The following NEXMIF variants were observed in gnomAD, a reference collection of about 807,000 sequenced individuals.
The protein encoded by NEXMIF is neurite extension and migration factor, also known as XLMR protein related to neurite extension.
NEXMIF carries 8 observed loss-of-function variants against 62.1 expected under a neutral mutation model. The ratio of observed to expected loss-of-function variants is 0.13; its 90% CI spans 0.08 to 0.23. The LOEUF is 0.23. Among genes scored for constraint, NEXMIF ranks in the 10% least tolerant of loss-of-function variants. NEXMIF has a pLI of 1.00. For missense variants in NEXMIF, 976 were observed against 1,113.3 expected (o/e 0.88, Z 1.75); for synonymous variants, 404 against 416.6 (o/e 0.97, Z 0.37).
chrX:74,868,867 C>A (rs186353346), intron 1 of NEXMIF, among the ~76,000 whole-genome samples: 1 of 111,233 alleles, frequency 9.0e-6, no homozygotes, highest in East Asian at 2.8e-4. Flanking sequence ...AAGCCAATGA[C>A]CCTGATGGCT....
At chrX:74,919,076 T>C (rs2080817463) in intron 1 of NEXMIF, among the ~76,000 whole-genome samples, 1 of 112,458 alleles carries the variant, frequency 8.9e-6, no homozygotes, top group African/African-American at 3.2e-5. Flanking sequence ...ATCTCACAAA[T>C]ACCATGGTCA....
At chrX:74,805,216 G>A (rs755449779) in intron 1 of NEXMIF, among the ~76,000 whole-genome samples, 1 of 111,712 alleles carries the variant, frequency 9.0e-6, no homozygotes, top group Non-Finnish European at 1.9e-5. Flanking sequence ...GTGAGTGCTC[G>A]CCGGATTTTT....
chrX:74,784,699 A>G (rs764836549), intron 1 of NEXMIF, among the ~76,000 whole-genome samples: 3 of 110,691 alleles, frequency 2.7e-5, no homozygotes, highest in Non-Finnish European at 5.7e-5. Flanking sequence ...AGTTGCTCAA[A>G]TCGTATACAT....
chrX:74,826,284 CAT>C (rs1307395787), intron 1 of NEXMIF, among the ~76,000 whole-genome samples: 23 of 111,845 alleles, frequency 2.1e-4, no homozygotes, highest in African/African-American at 7.5e-4. Context: ...AGCTTTTTTT[CAT>C]ATGATTGCTG....
chrX:74,796,471 C>T (rs2080312413), intron 1 of NEXMIF, among the ~76,000 whole-genome samples: 1 of 104,394 alleles, frequency 9.6e-6, no homozygotes, highest in African/African-American at 3.5e-5. Flanking sequence ...TTCTAAATAA[C>T]ATTTTCCAAT....
chrX:74,810,412 G>A (rs1460360202), intron 1 of NEXMIF, among the ~76,000 whole-genome samples: 1 of 111,077 alleles, frequency 9.0e-6, no homozygotes, highest in African/African-American at 3.3e-5. Flanking sequence ...TCTACCATAG[G>A]TTTGACAGAA....
intron 1 of NEXMIF, among the ~76,000 whole-genome samples, chrX:74,789,113 G>A (rs1464611579): frequency 1.0e-5 from 1 of 96,957 alleles, no homozygotes; most frequent in Non-Finnish European, 2.1e-5. Context: ...ATCTCCCAAT[G>A]CTATCCCTCC....
intron 1 of NEXMIF, among the ~76,000 whole-genome samples, chrX:74,888,474 T>C (rs771771912): frequency 1.8e-5 from 2 of 108,420 alleles, no homozygotes; most frequent in East Asian, 5.9e-4. Flanking sequence ...TTCTCACTCA[T>C]AAGTGGGAGT....
intron 1 of NEXMIF, among the ~76,000 whole-genome samples, chrX:74,746,692 A>G (rs759325889): frequency 8.9e-6 from 1 of 112,598 alleles, no homozygotes; most frequent in Non-Finnish European, 1.9e-5. Flanking sequence ...TAACAGTTCC[A>G]CGTGATTCAA....
intron 1 of NEXMIF, among the ~76,000 whole-genome samples, chrX:74,919,517 C>T (rs926588594): frequency 1.5e-4 from 17 of 111,446 alleles, no homozygotes; most frequent in African/African-American, 4.6e-4. Context: ...AATAAGTATG[C>T]TGGAGCAACA....
At chrX:74,907,341 C>T (rs954085884) in intron 1 of NEXMIF, among the ~76,000 whole-genome samples, 3 of 67,970 alleles carry the variant, frequency 4.4e-5, no homozygotes, top group African/African-American at 1.1e-4. Flanking sequence ...AGCACCCCCC[C>T]CCCCGCCCCT....
Position 74,742,235 on chromosome X carries a change from A to C in NEXMIF, c.2322T>G (p.Ser774=). The C allele has an allele frequency of 8.3e-7, 1 of 1,211,199 alleles. No homozygotes were observed. The highest frequency in any genetic ancestry group is 3.0e-5 in the East Asian group (1 of 33,845). ...IPGTSNSSRL[S]EFHEAKAAKS... ...TAGCAGCCTTTGCCTCATGAAATTC[A>C]GATAGACGGGAACTGTTTGATGTCC... is the stretch of plus-strand genomic sequence containing the variant. The change falls in exon 3 of 4, where the codon TCT becomes TCG. Residue 774 remains serine (S), a synonymous_variant. Transcript: ENST00000055682.
chrX:74,818,523 A>G (rs1322822761), intron 1 of NEXMIF, among the ~76,000 whole-genome samples: 1 of 111,510 alleles, frequency 9.0e-6, no homozygotes, highest in African/African-American at 3.3e-5. Flanking sequence ...AAAAACCCAG[A>G]AAATACCATT....
intron 1 of NEXMIF, among the ~76,000 whole-genome samples, chrX:74,796,220 TAC>T (rs1256158218): frequency 1.5e-5 from 1 of 65,759 alleles, no homozygotes; most frequent in African/African-American, 6.5e-5. Flanking sequence ...TATATATATA[TAC>T]ATATATAATA....
intron 1 of NEXMIF, among the ~76,000 whole-genome samples, chrX:74,764,451 A>T (rs1049643982): frequency 3.4e-4 from 38 of 111,795 alleles, no homozygotes; most frequent in African/African-American, 1.1e-3. Flanking sequence ...TGTCTCTGCC[A>T]GGCTTTGGTA....
Position 74,915,652 on chromosome X carries a change from G to A in NEXMIF, c.-48+9231C>T, listed in dbSNP as rs919995699. Among the ~76,000 whole-genome samples, 3 of 111,488 alleles carry A rather than the reference G, an allele frequency of 2.7e-5. No individual in the cohort carries two copies. The Admixed American group carries it at 2.9e-4, about 11-fold the overall frequency. ...CCAGATAGACCAAATATAAGTAGAG[G>A]GGTCATTATAAACAGAAGAGGGAGG... On this transcript the variant is annotated intron_variant, in intron 1 of 3. Coordinates refer to ENST00000055682, the MANE Select transcript of NEXMIF (RefSeq NM_001008537.3).
At chrX:74,820,528 T>A (rs1199842131) in intron 1 of NEXMIF, among the ~76,000 whole-genome samples, 1 of 111,371 alleles carries the variant, frequency 9.0e-6, no homozygotes, top group African/African-American at 3.3e-5. Flanking sequence ...GAATATTAAC[T>A]ATTCTACCAT....
At chrX:74,793,768 C>T (rs1335649796) in intron 1 of NEXMIF, among the ~76,000 whole-genome samples, 6 of 88,083 alleles carry the variant, frequency 6.8e-5, no homozygotes, top group Non-Finnish European at 9.0e-5. Context: ...TTGATCGCAT[C>T]GGCTCCTGAG....
At chrX:74,795,141 AAGTT>A (rs1228471091) in intron 1 of NEXMIF, among the ~76,000 whole-genome samples, 3 of 112,171 alleles carry the variant, frequency 2.7e-5, no homozygotes, top group East Asian at 5.6e-4. Flanking sequence ...ATTGTGTTAA[AAGTT>A]AGACCTACCA....
Sources: allele counts gnomAD v4.1 joint callset (sites outside exome capture counted in the v4.1 genomes callset), GRCh38; gene constraint gnomAD v4.1.1; transcripts MANE v1.5; gene names NCBI Gene and HGNC (gene_info 2026-07-23, HGNC 2026-07-21).